The following ROR1 variants were observed in gnomAD, a reference collection of about 807,000 sequenced individuals.
ROR1 encodes ROR family WNT receptor 1.
ROR1 carries 19 observed loss-of-function variants against 78.8 expected under a neutral mutation model. That is an observed-to-expected ratio of 0.24 (90% CI 0.17 to 0.35). The LOEUF is 0.35. Among genes scored for constraint, ROR1 ranks in the 10% least tolerant of loss-of-function variants. The probability of loss-of-function intolerance (pLI) is 1.00; values close to 1 mark genes in which losing one functional copy is unlikely to be tolerated. For synonymous variants in ROR1, 386 were observed against 433.6 expected, an observed-to-expected ratio of 0.89 and a Z score of 1.36; for missense variants, 917 against 1,177.8, an observed-to-expected ratio of 0.78 and a Z score of 3.24.
intron 1 of ROR1, among the ~76,000 whole-genome samples, chr1:63,861,577 G>T (rs937936169): frequency 6.6e-6 from 1 of 152,166 alleles, no homozygotes; most frequent in African/African-American, 2.4e-5. Flanking sequence ...CACTGCAGCC[G>T]AGCACGTTGA....
intron 1 of ROR1, among the ~76,000 whole-genome samples, chr1:63,800,127 T>C (rs1407356978): frequency 6.6e-6 from 1 of 152,144 alleles, no homozygotes; most frequent in Non-Finnish European, 1.5e-5. Context: ...ATGAGAAGGT[T>C]TGACTTAGGA....
At chr1:64,019,250 G>C (rs909238060) in intron 2 of ROR1, among the ~76,000 whole-genome samples, 1 of 152,158 alleles carries the variant, frequency 6.6e-6, no homozygotes, top group East Asian at 1.9e-4. Flanking sequence ...TAGGTGCTTG[G>C]CACTTTGTCA....
At chr1:63,801,819 A>G (rs1276133022) in intron 1 of ROR1, among the ~76,000 whole-genome samples, 1 of 152,174 alleles carries the variant, frequency 6.6e-6, no homozygotes, top group Non-Finnish European at 1.5e-5. Context: ...TCATTTAATC[A>G]TGTAGCTTTT....
At position 63,978,054 on chromosome 1, in the gene ROR1, G is replaced by C. The variant is rs536088093; in HGVS notation, c.92-31251G>C. Among the ~76,000 whole-genome samples, 42 of 152,254 alleles carry C rather than the reference G, an allele frequency of 2.8e-4. 1 individual carries two copies. In the East Asian group the frequency reaches 7.7e-3, roughly 28 times the overall value. On this transcript the variant is annotated intron_variant, in intron 1 of 8. Coordinates refer to ENST00000371079, the MANE Select transcript of ROR1 (RefSeq NM_005012.4). Reference sequence around the variant, plus strand: ...AACAGGCCCCTCCTTTTATCCATGAGACTACTGAGGCCTTGGAGGTTATTT... The same window carrying C: ...AACAGGCCCCTCCTTTTATCCATGACACTACTGAGGCCTTGGAGGTTATTT...
intron 4 of ROR1, among the ~76,000 whole-genome samples, chr1:64,128,291 C>A (rs1158253868): frequency 6.4e-3 from 647 of 101,136 alleles, no homozygotes; most frequent in African/African-American, 8.7e-3. Context: ...CCTGTCTCTA[C>A]AAAAAAAAAA....
At chr1:64,097,577 A>G (rs1647348139) in intron 4 of ROR1, among the ~76,000 whole-genome samples, 1 of 150,702 alleles carries the variant, frequency 6.6e-6, no homozygotes, top group Non-Finnish European at 1.5e-5. Flanking sequence ...TTCATATAGT[A>G]TATATATATA....
chr1:63,775,482 G>C (rs1322118166), intron 1 of ROR1: 5 of 152,132 alleles, frequency 3.3e-5, no homozygotes, highest in African/African-American at 1.2e-4. Flanking sequence ...CATCCCTTGA[G>C]GGGGTGAGGA....
intron 1 of ROR1, among the ~76,000 whole-genome samples, chr1:63,994,750 TG>T (rs1646323882): frequency 6.6e-6 from 1 of 152,212 alleles, no homozygotes; most frequent in South Asian, 2.1e-4. Context: ...TGACTGAAAA[TG>T]GATGACCACA....
At chr1:63,846,969 C>T (rs1044997817) in intron 1 of ROR1, among the ~76,000 whole-genome samples, 1 of 152,188 alleles carries the variant, frequency 6.6e-6, no homozygotes, top group Non-Finnish European at 1.5e-5. Context: ...CAAGAGCTCA[C>T]CCGCTATCTC....
At position 63,808,383 on chromosome 1, in the gene ROR1, C is replaced by A. The variant is rs527513664; in HGVS notation, c.91+33875C>A. ...TCCTTGCTGAGCTGTTGCCATGACCCTAGACTGAATAACTGAACTGTTTTT... is the reference window on the plus strand; with the variant it reads ...TCCTTGCTGAGCTGTTGCCATGACCATAGACTGAATAACTGAACTGTTTTT... On this transcript the variant is annotated intron_variant, in intron 1 of 8. Transcript: ENST00000371079. 2.0e-5 allele frequency among the ~76,000 whole-genome samples: 3 copies of A among 152,286 alleles called. No individual in the cohort carries two copies. In the South Asian group the frequency reaches 6.2e-4, roughly 32 times the overall value.
chr1:63,985,838 A>G (rs1187016236), intron 1 of ROR1, among the ~76,000 whole-genome samples: 1 of 152,132 alleles, frequency 6.6e-6, no homozygotes, highest in Non-Finnish European at 1.5e-5. Flanking sequence ...TCCCTAAGAT[A>G]TCTCATTGTT....
Position 64,030,851 on chromosome 1 carries a change from C to T in ROR1, c.164-18840C>T, listed in dbSNP as rs576402142. ...TTTACATTGTTTCATGTATGTTGGT[C>T]CAGTGAATTAGGGGTGTGTGTGTGT... On this transcript the variant is annotated intron_variant, in intron 2 of 8. Transcript: ENST00000371079. 2.0e-5 allele frequency among the ~76,000 whole-genome samples: 3 copies of T among 152,086 alleles called. No homozygotes were observed. In the South Asian group the frequency reaches 6.2e-4, roughly 32 times the overall value.
intron 1 of ROR1, among the ~76,000 whole-genome samples, chr1:63,806,519 G>A (rs1185077398): frequency 6.6e-6 from 1 of 152,084 alleles, no homozygotes; most frequent in East Asian, 1.9e-4. Flanking sequence ...GAGTTTCACT[G>A]CGTTAGCCAG....
At chr1:64,030,558 T>C (rs989705890) in intron 2 of ROR1, among the ~76,000 whole-genome samples, 2 of 152,194 alleles carry the variant, frequency 1.3e-5, no homozygotes, top group Non-Finnish European at 2.9e-5. Flanking sequence ...CCGTCACTCA[T>C]TCCTTCATGG....
chr1:63,975,151 G>T (rs17125903), intron 1 of ROR1, among the ~76,000 whole-genome samples: 4,531 of 152,240 alleles, frequency 0.03, 233 homozygotes, highest in African/African-American at 0.1. Flanking sequence ...ATCTTCTCAC[G>T]TTCTTTGGAG....
At chr1:63,888,569 G>A (rs759418072) in intron 1 of ROR1, among the ~76,000 whole-genome samples, 6 of 152,050 alleles carry the variant, frequency 3.9e-5, no homozygotes, top group Non-Finnish European at 7.4e-5. Flanking sequence ...ACTGCAGTGC[G>A]CTATAATTGT....
intron 1 of ROR1, among the ~76,000 whole-genome samples, chr1:63,856,430 C>G (rs1645149505): frequency 6.6e-6 from 1 of 152,166 alleles, no homozygotes; most frequent in Admixed American, 6.5e-5. Flanking sequence ...ATTTCTTTCC[C>G]CAGTGCTGGG....
intron 1 of ROR1, among the ~76,000 whole-genome samples, chr1:63,900,536 C>T (rs1645477200): frequency 6.6e-6 from 1 of 151,866 alleles, no homozygotes; most frequent in African/African-American, 2.4e-5. Flanking sequence ...AAGGTGAAGC[C>T]TGTGAGGTGC....
chr1:63,774,344 GC>G lies in ROR1; in HGVS notation c.-71del. The G allele has an allele frequency of 9.9e-7, 1 of 1,007,680 alleles. No individual in the cohort carries two copies. The allele number at this position is 1,007,680 out of a possible 1,614,324, so 62.4% of individuals were successfully genotyped here. A position where few individuals can be genotyped will look rare whatever the true frequency, so the allele number is the denominator to read the frequency against. Reference sequence around the variant, plus strand: ...AGCGGCCGGGACGAGGCGGCCGGGAGCCCGGGAAGAGCCCGTGGATGTTCTG... The same window carrying G: ...AGCGGCCGGGACGAGGCGGCCGGGAGCCGGGAAGAGCCCGTGGATGTTCTG... On this transcript the variant is annotated 5_prime_UTR_variant, in exon 1 of 9. Coordinates refer to ENST00000371079, the MANE Select transcript of ROR1 (RefSeq NM_005012.4). The surrounding 1 kb of genome is among the most constrained non-coding windows in gnomAD (Gnocchi z 5.7).
Sources: gnomAD v4.1 joint callset for allele counts (sites outside exome capture counted in the v4.1 genomes callset) on GRCh38, gnomAD v4.1.1 for gene constraint, Gnocchi (gnomAD v3.1) non-coding constraint, MANE v1.5 for transcripts, NCBI Gene and HGNC (gene_info 2026-07-23, HGNC 2026-07-21) for gene names.